The following ANKRD18B variants were observed in gnomAD, a reference collection of about 807,000 sequenced individuals.
The protein encoded by ANKRD18B is ankyrin repeat domain-containing protein 18B.
A neutral mutation model predicts 111.8 loss-of-function variants in ANKRD18B; 75 were observed. The ratio of observed to expected loss-of-function variants is 0.67; its 90% CI spans 0.56 to 0.81. ANKRD18B has a LOEUF of 0.81. ANKRD18B is among the 40% of genes least tolerant of loss of function. The pLI, the probability that ANKRD18B is intolerant of heterozygous loss-of-function variation, is 0.00. For missense variants in ANKRD18B, 1,038 were observed against 1,225.5 expected (o/e 0.85, Z 2.28); for synonymous variants, 356 against 417.3 (o/e 0.85, Z 1.79).
In ANKRD18B at chr9:33,529,793, C is replaced by T. The variant is rs576953197; in HGVS notation, c.495+620C>T. On this transcript the variant is annotated intron_variant, in intron 3 of 18. Coordinates refer to ENST00000684830, the MANE Select transcript of ANKRD18B (RefSeq NM_001393611.1). ...GGTAAAAAGAGTGACTGAAACTTGC[C>T]TAAAGATTAATTTTTAGAGGACTCT... Among the ~76,000 whole-genome samples the T allele has an allele frequency of 7.2e-5, 11 of 152,154 alleles. No homozygotes were observed. The South Asian group carries it at 2.3e-3, about 32-fold the overall frequency.
At chr9:33,561,627 T>C (rs1423173458) in intron 14 of ANKRD18B, among the ~76,000 whole-genome samples, 6 of 152,236 alleles carry the variant, frequency 3.9e-5, no homozygotes, top group Non-Finnish European at 8.8e-5. Context: ...AACGTTTTCT[T>C]CTGAGAGTTT....
At chr9:33,569,502 C>A (rs1288622356) in intron 17 of ANKRD18B, among the ~76,000 whole-genome samples, 1 of 151,822 alleles carries the variant, frequency 6.6e-6, no homozygotes, top group African/African-American at 2.4e-5. Context: ...CCTTGTTATC[C>A]ACCCACAACA....
downstream of ANKRD18B, among the ~76,000 whole-genome samples, chr9:33,575,338 CA>C (rs80009272): frequency 0.26 from 39,061 of 151,366 alleles, 5,523 homozygotes; most frequent in African/African-American, 0.42. Context: ...GTGACCAGCC[CA>C]ACATGGAAGA....
chr9:33,548,553 A>C lies in ANKRD18B; in HGVS notation c.1765A>C (p.Ile589Leu). 7 of 1,551,106 alleles carry C rather than the reference A, an allele frequency of 4.5e-6. No individual in the cohort carries two copies. Among genetic ancestry groups the C allele is most frequent in the Non-Finnish European group, 6.1e-6 (7 of 1,146,602 alleles). Residue 589 changes from isoleucine to leucine, a missense_variant, in exon 11 of 19, where the codon ATA (isoleucine) becomes CTA (leucine). By Grantham distance (5) the Ile-to-Leu change is conservative. Around this residue, in one of 4 missense-constraint regions of ANKRD18B, gnomAD observed 524 missense variants for 677.9 expected, o/e 0.77. Coordinates refer to ENST00000684830, the MANE Select transcript of ANKRD18B (RefSeq NM_001393611.1). Reference sequence around the variant, plus strand: ...GGACCTAAAGCAAGCGCAGCATCGAATAAAGGAAATGAAGCAGATGCATCC... The same window carrying C: ...GGACCTAAAGCAAGCGCAGCATCGACTAAAGGAAATGAAGCAGATGCATCC... Reference protein sequence around the residue: ...QLDLKQAQHRIKEMKQMHPNG... With the variant: ...QLDLKQAQHRLKEMKQMHPNG...
At position 33,548,584 on chromosome 9, in the gene ANKRD18B, G is replaced by A. The variant is rs1397684858; in HGVS notation, c.1796G>A (p.Gly599Glu). 12 of 1,551,226 alleles carry A rather than the reference G, an allele frequency of 7.7e-6. No homozygotes were observed. The East Asian group carries it at 2.9e-4, about 38-fold the overall frequency. Reference sequence around the variant, plus strand: ...GAAATGAAGCAGATGCATCCAAATGGGGAAGCTAAAGAAAGTCAATCCATT... The same window carrying A: ...GAAATGAAGCAGATGCATCCAAATGAGGAAGCTAAAGAAAGTCAATCCATT... ...IKEMKQMHPN[G>E]EAKESQSIGK... Residue 599 changes from glycine to glutamate, a missense_variant, in exon 11 of 19, where the codon GGG becomes GAG. Coordinates refer to ENST00000684830, the MANE Select transcript of ANKRD18B (RefSeq NM_001393611.1).
At chr9:33,561,615 C>T (rs1177726770) in intron 14 of ANKRD18B, among the ~76,000 whole-genome samples, 1 of 152,144 alleles carries the variant, frequency 6.6e-6, no homozygotes, top group Non-Finnish European at 1.5e-5. Context: ...AAGATTTATG[C>T]CAACGTTTTC....
At chr9:33,543,841 T>C (rs1828318289) in intron 10 of ANKRD18B, among the ~76,000 whole-genome samples, 1 of 152,200 alleles carries the variant, frequency 6.6e-6, no homozygotes, top group Non-Finnish European at 1.5e-5. Context: ...CTTTCTTGTT[T>C]TAACATAAGT....
intron 14 of ANKRD18B, among the ~76,000 whole-genome samples, chr9:33,562,201 C>T (rs1438299148): frequency 1.3e-5 from 2 of 151,734 alleles, no homozygotes; most frequent in Non-Finnish European, 2.9e-5. Context: ...CTATTTAGTG[C>T]CTTATGTTTT....
chr9:33,524,716 G>A (rs1261573627), intron 1 of ANKRD18B, 21 bp downstream of exon 1: 1 of 1,543,854 alleles, frequency 6.5e-7, no homozygotes, highest in Admixed American at 2.0e-5. Flanking sequence ...CTCAGCCCTC[G>A]GTGGGAGGGG....
At position 33,548,485 on chromosome 9, in the gene ANKRD18B, A is replaced by T; in HGVS notation, c.1697A>T (p.Asp566Val). Residue 566 changes from aspartate to valine, a missense_variant, in exon 11 of 19, where the codon GAT (aspartate) becomes GTT (valine). By Grantham distance (152) the Asp-to-Val change is radical. Coordinates refer to ENST00000684830, the MANE Select transcript of ANKRD18B (RefSeq NM_001393611.1). The part of the protein sequence containing the change: ...TLKGKLRETR[D>V]ALREKTLALE... ...AAAGGTAAGCTCCGTGAGACAAGAG[A>T]TGCTCTCAGGGAAAAGACATTGGCT... is the stretch of plus-strand genomic sequence containing the variant. 2 of 1,551,324 alleles carry T rather than the reference A, an allele frequency of 1.3e-6. No individual in the cohort carries two copies. Among genetic ancestry groups the T allele is most frequent in the Non-Finnish European group, 8.7e-7 (1 of 1,146,700 alleles).
In ANKRD18B at chr9:33,548,839, A is replaced by G; in HGVS notation, c.2051A>G (p.Glu684Gly). Residue 684 changes from glutamate to glycine, a missense_variant, in exon 11 of 19, where the codon GAA becomes GGA. Glu to Gly is a moderately conservative substitution (Grantham distance 98, BLOSUM62 -2). Transcript: ENST00000684830. Reference sequence around the variant, plus strand: ...GAAAAACTGCTTCAGTATGAAAAAGAAAAAGCAGAAAGAGAAGTAAGTATG... The same window carrying G: ...GAAAAACTGCTTCAGTATGAAAAAGGAAAAGCAGAAAGAGAAGTAAGTATG... ...LKEKLLQYEK[E>G]KAEREVIVRE... 1 of 1,491,000 alleles carries G rather than the reference A, an allele frequency of 6.7e-7. No individual in the cohort carries two copies. The allele number at this position is 1,491,000 out of a possible 1,614,324, so 92.4% of individuals were successfully genotyped here.
At position 33,524,586 on chromosome 9, in the gene ANKRD18B, T is replaced by G. The variant is rs756162336; in HGVS notation, c.97T>G (p.Trp33Gly). 1 of 1,551,320 alleles carries G rather than the reference T, an allele frequency of 6.4e-7. No homozygotes were observed. The highest frequency in any genetic ancestry group is 8.7e-7 in the Non-Finnish European group (1 of 1,146,818). ...GGGTCGGGGGTACCACATTCGGGAC[T>G]GGGAACTGCGGAAGATCCACAGGGC... ...YAGRGYHIRD[W>G]ELRKIHRAAI... is the part of the protein sequence containing the mutation. Residue 33 changes from tryptophan (W) to glycine (G), a missense_variant, in exon 1 of 19, where the codon TGG becomes GGG. Physicochemically the swap from Trp to Gly is radical, Grantham distance 184. Transcript: ENST00000684830.
chr9:33,548,925 C>A (rs1446550980), intron 11 of ANKRD18B, 70 bp downstream of exon 11: 8 of 1,311,714 alleles, frequency 6.1e-6, no homozygotes, highest in Non-Finnish European at 8.1e-6. Flanking sequence ...ATATGTTGAA[C>A]GTAGTTCAAT....
chr9:33,536,182 C>T (rs1415094205), intron 5 of ANKRD18B, among the ~76,000 whole-genome samples: 2 of 125,758 alleles, frequency 1.6e-5, no homozygotes, highest in Admixed American at 8.0e-5. Flanking sequence ...AGCTCAGTAA[C>T]AGGGGACAAT....
chr9:33,543,938 G>A (rs1356279699), intron 10 of ANKRD18B, among the ~76,000 whole-genome samples: 1 of 152,178 alleles, frequency 6.6e-6, no homozygotes, highest in Admixed American at 6.5e-5. Flanking sequence ...AACCTATCTA[G>A]ATAACACTAT....
At chr9:33,546,744 A>G (rs2118051304) in intron 10 of ANKRD18B, among the ~76,000 whole-genome samples, 1 of 152,278 alleles carries the variant, frequency 6.6e-6, no homozygotes, top group Middle Eastern at 3.4e-3. Context: ...AATGCTAGGC[A>G]ATGCCACCTT....
In ANKRD18B at chr9:33,543,257, T is replaced by C; in HGVS notation, c.1149+2T>C. 2.0e-5 allele frequency: 31 copies of C among 1,543,686 alleles called. No homozygotes were observed. Among genetic ancestry groups the C allele is most frequent in the Non-Finnish European group, 2.5e-5 (29 of 1,143,254 alleles). ...AGAAGTGAAAATAAACAGCCGCAGG[T>C]ATATAACAATTTAAATTTCTGGTTT... On this transcript the variant is annotated splice_donor_variant, in intron 10 of 18. Coordinates refer to ENST00000684830, the MANE Select transcript of ANKRD18B (RefSeq NM_001393611.1). LOFTEE classifies it high-confidence loss of function.
chr9:33,548,772 G>T lies in ANKRD18B; in HGVS notation c.1984G>T (p.Glu662Ter), dbSNP rs1389190414. 7 of 1,547,874 alleles carry T rather than the reference G, an allele frequency of 4.5e-6. No individual in the cohort carries two copies. Among genetic ancestry groups the T allele is most frequent in the Admixed American group, 2.0e-5 (1 of 50,598 alleles). ...GAATGGAAAGGAAGATCTTCTAGAA[G>T]AAAGAAATAAGGAATTAATGAATGA... ...LENGKEDLLE[E>*]RNKELMNEYN... The change falls in exon 11 of 19, where the codon GAA becomes TAA. Residue 662 changes from glutamate (E) to a stop codon, truncating the protein, a stop_gained. Coordinates refer to ENST00000684830, the MANE Select transcript of ANKRD18B (RefSeq NM_001393611.1). LOFTEE classifies it high-confidence loss of function.
chr9:33,574,786 C>T (rs1172090779), downstream of ANKRD18B, among the ~76,000 whole-genome samples: 1 of 152,178 alleles, frequency 6.6e-6, no homozygotes, highest in Admixed American at 6.5e-5. Context: ...AATGCATGCA[C>T]ACATGTCAGT....
Sources: allele counts gnomAD v4.1 joint callset (sites outside exome capture counted in the v4.1 genomes callset), GRCh38; gene constraint gnomAD v4.1.1; regional missense constraint gnomAD v4.1.1; transcripts MANE v1.5; gene names NCBI Gene and HGNC (gene_info 2026-07-23, HGNC 2026-07-21).